Variants in ACOT9 observed in about 807,000 individuals in gnomAD.
The protein encoded by ACOT9 is acyl-CoA thioesterase 9, also known as acyl-coenzyme A thioesterase 9, mitochondrial.
A neutral mutation model predicts 39.7 loss-of-function variants in ACOT9; 34 were observed. The observed-to-expected ratio is 0.86, with a 90% CI of 0.65 to 1.14. The LOEUF (loss-of-function observed/expected upper bound fraction) is 1.14, where lower values mean the gene tolerates loss of function less well. ACOT9 is among the 50% of genes most tolerant of loss of function. The probability of loss-of-function intolerance (pLI) is 0.00; values close to 1 mark genes in which losing one functional copy is unlikely to be tolerated. For missense variants in ACOT9, 313 were observed against 344.1 expected (o/e 0.91, Z 0.71); for synonymous variants, 110 against 120.5 (o/e 0.91, Z 0.57).
chrX:23,707,784 T>C (rs1207635350), intron 10 of ACOT9, 93 bp downstream of exon 10: 4 of 620,627 alleles, frequency 6.4e-6, no homozygotes, highest in Non-Finnish European at 9.7e-6. Context: ...ATTTGACTGG[T>C]ATGAAGAGCC....
At chrX:23,737,452 T>G (rs941112759) in intron 1 of ACOT9, among the ~76,000 whole-genome samples, 1 of 112,292 alleles carries the variant, frequency 8.9e-6, no homozygotes. Context: ...AAAAAAGAGA[T>G]ATTTTTAGTT....
At chrX:23,716,062 G>A (rs187485142) in intron 8 of ACOT9, among the ~76,000 whole-genome samples, 38 of 111,944 alleles carry the variant, frequency 3.4e-4, no homozygotes, top group African/African-American at 1.1e-3. Flanking sequence ...AGCTCTGTAG[G>A]AGACTAGCAG....
chrX:23,705,698 T>G, intron 12 of ACOT9, 70 bp downstream of exon 12: 1 of 1,120,252 alleles, frequency 8.9e-7, no homozygotes, highest in African/African-American at 1.8e-5. Context: ...AGTTTAAAGG[T>G]GTGTCAAATC....
At position 23,703,708 on chromosome X, in the gene ACOT9, C is replaced by A. The variant is rs1379182014; in HGVS notation, c.*186G>T. The A allele has an allele frequency of 1.1e-5, 4 of 360,718 alleles. No homozygotes were observed. Among genetic ancestry groups the A allele is most frequent in the East Asian group, 4.4e-5 (1 of 22,601 alleles). The allele number at this position is 360,718 out of a possible 1,213,427, so 29.7% of individuals were successfully genotyped here. A position where few individuals can be genotyped will look rare whatever the true frequency, so the allele number is the denominator to read the frequency against. ...TGAAAGTATTTATTGTTTAATAATT[C>A]TTTCTCCCCTCAGCCCCATCCGGCC... On this transcript the variant is annotated 3_prime_UTR_variant, in exon 16 of 16. Transcript: ENST00000379303.
intron 7 of ACOT9, 78 bp from the exon 8 acceptor site, chrX:23,722,062 T>C: frequency 1.6e-6 from 1 of 630,857 alleles, no homozygotes; most frequent in Non-Finnish European, 2.4e-6. Flanking sequence ...TTAGAAATTA[T>C]GGCAAATTCC....
chrX:23,735,087 A>C (rs1317585257), intron 2 of ACOT9, among the ~76,000 whole-genome samples: 3 of 106,089 alleles, frequency 2.8e-5, no homozygotes, highest in African/African-American at 1.0e-4. Flanking sequence ...AGCCTGGCCA[A>C]CGTGGCGAAA....
At chrX:23,737,637 T>C (rs1455857071) in intron 1 of ACOT9, among the ~76,000 whole-genome samples, 1 of 111,020 alleles carries the variant, frequency 9.0e-6, no homozygotes, top group Non-Finnish European at 1.9e-5. Flanking sequence ...AACACAGAAA[T>C]ATGAGCACAT....
In ACOT9 at chrX:23,742,213, T is replaced by TGAGAGAGAGA. The variant is rs1190609377; in HGVS notation, c.20+902_20+911dup. On this transcript the variant is annotated intron_variant, in intron 1 of 15. Coordinates refer to ENST00000379303, the MANE Select transcript of ACOT9 (RefSeq NM_001037171.2). ...AAAGTCCCCAGGAACAGTGAGTGAG[T>TGAGAGAGAGA]GAGAGAGAGAGAGAGAGAGAGAGGG... Among the ~76,000 whole-genome samples the TGAGAGAGAGA allele has an allele frequency of 3.2e-3, 220 of 68,867 alleles. 3 individuals are homozygous for TGAGAGAGAGA. Among genetic ancestry groups the TGAGAGAGAGA allele is most frequent in the African/African-American group, 0.015 (205 of 13,307 alleles). 59.8% of individuals were successfully genotyped at this position (68,867 alleles called of 115,157 possible).
chrX:23,708,423 G>A (rs778397056), intron 9 of ACOT9, among the ~76,000 whole-genome samples: 3 of 110,848 alleles, frequency 2.7e-5, no homozygotes, highest in Non-Finnish European at 3.8e-5. Flanking sequence ...CCAGCTACTC[G>A]GGAGGCTGAG....
chrX:23,721,258 T>C (rs1929309558), intron 8 of ACOT9, among the ~76,000 whole-genome samples: 1 of 109,599 alleles, frequency 9.1e-6, no homozygotes, highest in African/African-American at 3.3e-5. Flanking sequence ...GCCTGGCTAA[T>C]TTTTGTATTT....
chrX:23,734,917 G>A (rs1415215599), intron 2 of ACOT9, among the ~76,000 whole-genome samples: 1 of 101,325 alleles, frequency 9.9e-6, no homozygotes. Flanking sequence ...GGGAGGCGGA[G>A]GTTGCAGTGA....
At chrX:23,740,763 C>T (rs1930116346) in intron 1 of ACOT9, among the ~76,000 whole-genome samples, 3 of 94,011 alleles carry the variant, frequency 3.2e-5, no homozygotes, top group Admixed American at 1.2e-4. Context: ...CACACACACA[C>T]CGCACTGAGG....
intron 6 of ACOT9, among the ~76,000 whole-genome samples, chrX:23,726,383 G>A (rs989136693): frequency 9.0e-6 from 1 of 110,772 alleles, no homozygotes; most frequent in East Asian, 2.8e-4. Flanking sequence ...CAAAGCCCAA[G>A]GATGGGCTGG....
Position 23,706,742 on chromosome X carries a change from GGAACAAGGGA to G in ACOT9, c.731-13_731-4del, listed in dbSNP as rs768840125. On this transcript the variant is annotated splice_polypyrimidine_tract_variant and splice_region_variant and intron_variant, in intron 10 of 15. Transcript: ENST00000379303. ...GGCAATTCTTCTCCCCTTGTTCACT[GGAACAAGGGA>G]GAATAAGGAGCAATGATCAGGACGG... The G allele has an allele frequency of 9.0e-7, 1 of 1,111,451 alleles. No individual in the cohort carries two copies. The highest frequency in any genetic ancestry group is 3.0e-5 in the East Asian group (1 of 33,304). 91.6% of individuals were successfully genotyped at this position (1,111,451 alleles called of 1,213,427 possible). A position where few individuals can be genotyped will look rare whatever the true frequency, so the allele number is the denominator to read the frequency against.
chrX:23,742,649 G>T, intron 1 of ACOT9, among the ~76,000 whole-genome samples: 1 of 111,643 alleles, frequency 9.0e-6, no homozygotes, highest in Non-Finnish European at 1.9e-5. Context: ...GGAGCCAAAA[G>T]GTACCCTGTA....
At position 23,701,388 on chromosome X, in the gene ACOT9, C is replaced by T. The variant is rs1461368611; in HGVS notation, c.*2506G>A. The stretch of plus-strand genomic sequence containing the variant: ...TTGATTCCATGAGTCAAACTGCATG[C>T]TTCCAAGAGATAGTTGTGTTCGCTC... On this transcript the variant is annotated 3_prime_UTR_variant, in exon 16 of 16. Transcript: ENST00000379303. Among the ~76,000 whole-genome samples, 1 of 111,638 alleles carries T rather than the reference C, an allele frequency of 9.0e-6. No individual in the cohort carries two copies. Among genetic ancestry groups the T allele is most frequent in the Admixed American group, 9.6e-5 (1 of 10,393 alleles).
intron 1 of ACOT9, among the ~76,000 whole-genome samples, chrX:23,739,307 C>T (rs1930054976): frequency 9.0e-6 from 1 of 111,388 alleles, no homozygotes; most frequent in South Asian, 3.7e-4. Flanking sequence ...CCTAACCTCC[C>T]TGATCCTCAG....
chrX:23,707,964 G>A lies in ACOT9; in HGVS notation c.663-20C>T. 1 of 1,164,145 alleles carries A rather than the reference G, an allele frequency of 8.6e-7. No homozygotes were observed. Among genetic ancestry groups the A allele is most frequent in the Admixed American group, 2.3e-5 (1 of 43,448 alleles). On this transcript the variant is annotated intron_variant, in intron 9 of 15. Transcript: ENST00000379303. ...GCCGGCCTAAAAAGAAGAAAAAAAA[G>A]AATATAATTTAAGATATGCCATTAT...
chrX:23,717,596 G>C (rs1929128053), intron 8 of ACOT9, among the ~76,000 whole-genome samples: 1 of 110,949 alleles, frequency 9.0e-6, no homozygotes, highest in Non-Finnish European at 1.9e-5. Flanking sequence ...GGGAAAGGAA[G>C]CAGGAGGCTG....
Sources: gnomAD v4.1 joint callset for allele counts (sites outside exome capture counted in the v4.1 genomes callset) on GRCh38, gnomAD v4.1.1 for gene constraint, MANE v1.5 for transcripts, NCBI Gene and HGNC (gene_info 2026-07-23, HGNC 2026-07-21) for gene names.